Variants in CHAT observed in about 807,000 individuals in gnomAD.
CHAT encodes the protein choline O-acetyltransferase.
A neutral mutation model predicts 76.9 loss-of-function variants in CHAT; 61 were observed. The observed-to-expected ratio is 0.79, with a 90% confidence interval of 0.65 to 0.98. The LOEUF is 0.98. CHAT is among the 50% of genes least tolerant of loss of function. CHAT has a pLI of 0.00. For missense variants in CHAT, 946 were observed against 986.9 expected, an observed-to-expected ratio of 0.96 and a Z score of 0.56; for synonymous variants, 407 against 397.4, an observed-to-expected ratio of 1.02 and a Z score of -0.29.
At chr10:49,661,584 T>C (rs574700642) in intron 13 of CHAT, among the ~76,000 whole-genome samples, 31 of 152,292 alleles carry the variant, frequency 2.0e-4, no homozygotes, top group African/African-American at 7.5e-4. Flanking sequence ...ACCAAGTTCA[T>C]TGTGAATGGG....
chr10:49,623,726 G>A (rs959114399), intron 5 of CHAT, among the ~76,000 whole-genome samples: 6 of 152,126 alleles, frequency 3.9e-5, no homozygotes, highest in Non-Finnish European at 8.8e-5. Flanking sequence ...AGCCATGTCC[G>A]TAAGTGCACC....
chr10:49,664,947 T>G lies in CHAT; in HGVS notation c.2148T>G (p.Ile716Met), dbSNP rs1157315645. ...CAAAAGCTGTGGAAGAAAGCCTCAT[T>G]GACATGAGAGACCTCTGCAGTCTGC... ...KFAKAVEESL[I>M]DMRDLCSLLP... The change falls in exon 15 of 15, where the codon ATT (isoleucine) becomes ATG (methionine). Residue 716 changes from isoleucine (I) to methionine (M), a missense_variant. Around this residue, in one of 3 missense-constraint regions of CHAT, gnomAD observed 349 missense variants for 393.9 expected, o/e 0.89. Transcript: ENST00000337653. 1 of 1,614,198 alleles carries G rather than the reference T, an allele frequency of 6.2e-7. No homozygotes were observed.
chr10:49,609,200 G>C (rs1011168111), upstream of CHAT: 3 of 152,272 alleles, frequency 2.0e-5, no homozygotes, highest in African/African-American at 7.2e-5. Flanking sequence ...CAGAAGGAAG[G>C]TGAGTCTCCC....
chr10:49,646,595 C>A lies in CHAT; in HGVS notation c.1202C>A (p.Thr401Asn), dbSNP rs539884711. Residue 401 changes from threonine to asparagine, a missense_variant, in exon 8 of 15, where the codon ACC (threonine) becomes AAC (asparagine). This residue lies in a region of CHAT where 49 missense variants were observed against 76.7 expected (regional missense o/e 0.64). Coordinates refer to ENST00000337653, the MANE Select transcript of CHAT (RefSeq NM_020549.5). ...DAPGGVELSD[T>N]HRALQLLHGG... is the part of the protein sequence containing the mutation. ...CCAGGAGGCGTGGAGCTCAGCGACACCCACAGGGCACTCCAGCTCCTTCAC... is the reference window on the plus strand; with the variant it reads ...CCAGGAGGCGTGGAGCTCAGCGACAACCACAGGGCACTCCAGCTCCTTCAC... The A allele has an allele frequency of 6.2e-7, 1 of 1,614,220 alleles. No individual in the cohort carries two copies. The highest frequency in any genetic ancestry group is 2.2e-5 in the East Asian group (1 of 44,886).
chr10:49,646,671 G>A lies in CHAT; in HGVS notation c.1278G>A (p.Leu426=). The A allele has an allele frequency of 6.2e-7, 1 of 1,613,476 alleles. No homozygotes were observed. The change falls in exon 8 of 15, where the codon CTG becomes CTA. Residue 426 remains leucine (L), a synonymous_variant. Coordinates refer to ENST00000337653, the MANE Select transcript of CHAT (RefSeq NM_020549.5). ...NGANRWYDKS[L]QFVVGRDGTC... is the part of the protein sequence containing the mutation. ...CCAATCGCTGGTACGACAAGTCCCT[G>A]CAGGTAAGCCGTCCAGGTGGCCCTG...
In CHAT at chr10:49,616,984, T is replaced by A. The variant is rs905741148; in HGVS notation, c.387+382T>A. Among the ~76,000 whole-genome samples the A allele has an allele frequency of 3.3e-5, 5 of 152,214 alleles. No individual in the cohort carries two copies. In the East Asian group the frequency reaches 5.8e-4, roughly 18 times the overall value. On this transcript the variant is annotated intron_variant, in intron 2 of 14. Coordinates refer to ENST00000337653, the MANE Select transcript of CHAT (RefSeq NM_020549.5). ...AAGCCCTGCAAGTCCCAGCTCCAGCTGCTATCACTAGTTCAGCCTTGGAGC... is the reference window on the plus strand; with the variant it reads ...AAGCCCTGCAAGTCCCAGCTCCAGCAGCTATCACTAGTTCAGCCTTGGAGC...
intron 7 of CHAT, among the ~76,000 whole-genome samples, chr10:49,635,716 C>T (rs1839272231): frequency 6.6e-6 from 1 of 152,088 alleles, no homozygotes; most frequent in Non-Finnish European, 1.5e-5. Flanking sequence ...AAGCATTTGG[C>T]AAAATTCAAC....
chr10:49,657,878 G>A (rs1761767457), intron 13 of CHAT, among the ~76,000 whole-genome samples: 1 of 152,230 alleles, frequency 6.6e-6, no homozygotes. Context: ...TGCTAGTTAA[G>A]AACCATTTTA....
intron 7 of CHAT, among the ~76,000 whole-genome samples, chr10:49,640,484 CCTT>C (rs1244145619): frequency 6.9e-6 from 1 of 145,740 alleles, no homozygotes; most frequent in Non-Finnish European, 1.5e-5. Flanking sequence ...GGAGGGGACT[CCTT>C]ATTACTGCAG....
chr10:49,621,996 A>G (rs1838735403), intron 4 of CHAT, 101 bp from the exon 5 acceptor site: 14 of 1,348,940 alleles, frequency 1.0e-5, no homozygotes, highest in South Asian at 3.5e-5. Context: ...GAGGAAGGAG[A>G]TGGAAGGAAG....
Position 49,664,951 on chromosome 10 carries a change from A to C in CHAT, c.2152A>C (p.Met718Leu). Residue 718 changes from methionine (M) to leucine (L), a missense_variant, in exon 15 of 15, where the codon ATG (methionine) becomes CTG (leucine). Around this residue, in one of 3 missense-constraint regions of CHAT, gnomAD observed 349 missense variants for 393.9 expected, o/e 0.89. Coordinates refer to ENST00000337653, the MANE Select transcript of CHAT (RefSeq NM_020549.5). ...AGCTGTGGAAGAAAGCCTCATTGAC[A>C]TGAGAGACCTCTGCAGTCTGCTGCC... is the stretch of plus-strand genomic sequence containing the variant. The part of the protein sequence containing the change: ...AKAVEESLID[M>L]RDLCSLLPPT... 1 of 1,614,244 alleles carries C rather than the reference A, an allele frequency of 6.2e-7. No individual in the cohort carries two copies. Among genetic ancestry groups the C allele is most frequent in the Non-Finnish European group, 8.5e-7 (1 of 1,180,050 alleles).
Position 49,614,467 on chromosome 10 carries a change from G to C in CHAT, c.278G>C (p.Arg93Thr). The C allele has an allele frequency of 1.3e-6, 2 of 1,546,766 alleles. No individual in the cohort carries two copies. Among genetic ancestry groups the C allele is most frequent in the South Asian group, 2.4e-5 (2 of 84,006 alleles). Reference protein sequence around the residue: ...GAASAEAAEPRRAGPHLCIPA... With the variant: ...GAASAEAAEPTRAGPHLCIPA... ...GCGTCGGCCGAGGCAGCAGAGCCGA[G>C]GAGAGCAGGTGAGAAGAAGGGCTGG... is the stretch of plus-strand genomic sequence containing the variant. Residue 93 changes from arginine (R) to threonine (T), a missense_variant, in exon 1 of 15, where the codon AGG (arginine) becomes ACG (threonine). This residue lies in a region of CHAT where 548 missense variants were observed against 516.2 expected (regional missense o/e 1.06). Transcript: ENST00000337653.
upstream of CHAT, chr10:49,611,146 C>G: frequency 1.2e-6 from 2 of 1,614,180 alleles, no homozygotes; most frequent in Non-Finnish European, 1.7e-6. Flanking sequence ...TATCCTGCAG[C>G]TGCTAGTGAA....
At chr10:49,639,006 A>C (rs1839386529) in intron 7 of CHAT, among the ~76,000 whole-genome samples, 6 of 151,896 alleles carry the variant, frequency 4.0e-5, no homozygotes, top group Admixed American at 3.9e-4. Context: ...GAGGCTGAGG[A>C]GGGTGGATCG....
In CHAT at chr10:49,614,559, C is replaced by A. The variant is rs1270816572; in HGVS notation, c.286+84C>A. 8 of 1,235,826 alleles carry A rather than the reference C, an allele frequency of 6.5e-6. No homozygotes were observed. The East Asian group carries it at 1.8e-4, about 29-fold the overall frequency. The allele number at this position is 1,235,826 out of a possible 1,614,324, so 76.6% of individuals were successfully genotyped here. ...TCGGGGGCTCTATCCAGGGACAGCACCGGGGCCGAGAGGCCCCAGGACTCG... is the reference window on the plus strand; with the variant it reads ...TCGGGGGCTCTATCCAGGGACAGCAACGGGGCCGAGAGGCCCCAGGACTCG... On this transcript the variant is annotated intron_variant, in intron 1 of 14. Transcript: ENST00000337653.
intron 7 of CHAT, among the ~76,000 whole-genome samples, chr10:49,628,102 G>T (rs868004663): frequency 8.7e-4 from 132 of 152,176 alleles, no homozygotes; most frequent in African/African-American, 3.0e-3. Context: ...GTGTTTTCCT[G>T]GTGGGTGGCG....
rs530081397 is a variant in CHAT at position 49,651,635 on chromosome 10, A to G, written c.1512-249A>G. 214 of 492,844 alleles carry G rather than the reference A, an allele frequency of 4.3e-4. 2 individuals are homozygous for G. The highest frequency in any genetic ancestry group is 3.1e-3 in the African/African-American group (160 of 51,528). The allele number at this position is 492,844 out of a possible 1,614,324, so 30.5% of individuals were successfully genotyped here. The stretch of plus-strand genomic sequence containing the variant: ...GCCCACCTCCCCACCCACTCTCCAG[A>G]GCAGGGCCGACACCCCACTCAGCTG... On this transcript the variant is annotated intron_variant, in intron 10 of 14. Transcript: ENST00000337653.
At chr10:49,646,753 G>C in intron 8 of CHAT, 79 bp downstream of exon 8, 1 of 1,517,644 alleles carries the variant, frequency 6.6e-7, no homozygotes, top group South Asian at 1.2e-5. Context: ...GCACAGCCTG[G>C]TGCCCAGGCC....
intron 4 of CHAT, among the ~76,000 whole-genome samples, chr10:49,621,374 AGAAG>A (rs1172980748): frequency 6.6e-6 from 1 of 152,158 alleles, no homozygotes; most frequent in Non-Finnish European, 1.5e-5. Context: ...TCCCCAGGGA[AGAAG>A]GAAGGTGTGG....
Sources: gnomAD v4.1 joint callset for allele counts (sites outside exome capture counted in the v4.1 genomes callset) on GRCh38, gnomAD v4.1.1 for gene constraint, gnomAD v4.1.1 regional missense constraint, MANE v1.5 for transcripts, NCBI Gene and HGNC (gene_info 2026-07-23, HGNC 2026-07-21) for gene names.